RUFY1: variants seen among roughly 807,000 people sequenced by gnomAD.
RUFY1 encodes the protein RUN and FYVE domain containing 1, also known as RUN and FYVE domain-containing protein 1.
A neutral mutation model predicts 94.6 loss-of-function variants in RUFY1; 54 were observed. That is an observed-to-expected ratio of 0.57 (90% CI 0.46 to 0.72). The LOEUF is 0.72. RUFY1 is among the 30% of genes least tolerant of loss of function. The pLI, the probability that RUFY1 is intolerant of heterozygous loss-of-function variation, is 0.00. For synonymous variants in RUFY1, 396 were observed against 347.3 expected (o/e 1.14, Z -1.56); for missense variants, 883 against 883.9 (o/e 1.00, Z 0.01).
At position 179,593,536 on chromosome 5, in the gene RUFY1, T is replaced by A; in HGVS notation, c.1304T>A (p.Met435Lys). 1.2e-6 allele frequency: 2 copies of A among 1,613,862 alleles called. No homozygotes were observed. Among genetic ancestry groups the A allele is most frequent in the Non-Finnish European group, 1.7e-6 (2 of 1,179,766 alleles). ...ATGAAAACCGAAATGGAAATTGCAATGAAGTTACTGGAAAAGGACACCCAC... is the reference window on the plus strand; with the variant it reads ...ATGAAAACCGAAATGGAAATTGCAAAGAAGTTACTGGAAAAGGACACCCAC... ...IGMKTEMEIA[M>K]KLLEKDTHEK... is the part of the protein sequence containing the mutation. Residue 435 changes from methionine (M) to lysine (K), a missense_variant, in exon 11 of 18, where the codon ATG becomes AAG. Physicochemically the swap from Met to Lys is moderately conservative, Grantham distance 95. Transcript: ENST00000319449.
intron 15 of RUFY1, among the ~76,000 whole-genome samples, chr5:179,603,359 G>A (rs916111144): frequency 4.6e-5 from 7 of 151,714 alleles, no homozygotes; most frequent in Non-Finnish European, 8.8e-5. Flanking sequence ...GCCACTCGCC[G>A]TCTCTCCTGT....
intron 3 of RUFY1, among the ~76,000 whole-genome samples, chr5:179,563,924 G>C (rs547853922): frequency 3.3e-5 from 5 of 151,642 alleles, no homozygotes; most frequent in African/African-American, 4.8e-5. Context: ...CACCTGCCTC[G>C]GTCTTCCAAA....
At chr5:179,585,152 C>A (rs563983353) in intron 7 of RUFY1, among the ~76,000 whole-genome samples, 13 of 152,194 alleles carry the variant, frequency 8.5e-5, no homozygotes, top group African/African-American at 3.1e-4. Context: ...ACAAAAAACA[C>A]CTTGGATCCT....
At chr5:179,608,382 C>T (rs531688882) in intron 17 of RUFY1, 116 of 985,568 alleles carry the variant, frequency 1.2e-4, no homozygotes, top group East Asian at 3.4e-4. Context: ...CTAGAAACCA[C>T]GTCCTGAGGC....
chr5:179,604,247 C>T (rs1041168861), intron 15 of RUFY1, among the ~76,000 whole-genome samples: 1 of 152,158 alleles, frequency 6.6e-6, no homozygotes, highest in African/African-American at 2.4e-5. Flanking sequence ...GCTCTCTCCC[C>T]TCTTCCCTTC....
At chr5:179,604,355 G>A (rs755045303) in intron 15 of RUFY1, among the ~76,000 whole-genome samples, 2 of 152,168 alleles carry the variant, frequency 1.3e-5, no homozygotes, top group East Asian at 3.9e-4. Context: ...ATTGGCTTGG[G>A]AACATCTGGA....
rs1767541277 is a variant in RUFY1, at chr5:179,609,773, C to A, written c.*254C>A. Reference sequence around the variant, plus strand: ...CACGGCTCTGGTTCAGATACAACTTCATGATTTTGCTACTATCATTTTTCA... The same window carrying A: ...CACGGCTCTGGTTCAGATACAACTTAATGATTTTGCTACTATCATTTTTCA... On this transcript the variant is annotated 3_prime_UTR_variant, in exon 18 of 18. Transcript: ENST00000319449. The A allele has an allele frequency of 2.4e-6, 1 of 410,478 alleles. No homozygotes were observed. Among genetic ancestry groups the A allele is most frequent in the Admixed American group, 4.4e-5 (1 of 22,884 alleles). 25.4% of individuals were successfully genotyped at this position (410,478 alleles called of 1,614,324 possible).
chr5:179,592,325 G>A (rs1295012162), intron 10 of RUFY1, among the ~76,000 whole-genome samples: 1 of 152,094 alleles, frequency 6.6e-6, no homozygotes, highest in Non-Finnish European at 1.5e-5. Flanking sequence ...TCACCATGTT[G>A]GCCAAGATGT....
intron 17 of RUFY1, among the ~76,000 whole-genome samples, chr5:179,608,048 G>A (rs539639160): frequency 2.6e-4 from 40 of 152,270 alleles, no homozygotes; most frequent in African/African-American, 9.4e-4. Context: ...AGGGCAGCAG[G>A]TCACCAAAAA....
chr5:179,607,984 G>A (rs180911701), intron 17 of RUFY1, among the ~76,000 whole-genome samples: 12 of 152,276 alleles, frequency 7.9e-5, no homozygotes, highest in East Asian at 3.9e-4. Context: ...CTCTGTATGC[G>A]GCAGGAACAA....
intron 7 of RUFY1, among the ~76,000 whole-genome samples, chr5:179,583,229 G>C (rs1764299914): frequency 1.3e-5 from 2 of 151,596 alleles, no homozygotes; most frequent in Admixed American, 6.6e-5. Context: ...GAACCTGGGA[G>C]GCAGAGGTTG....
chr5:179,568,319 G>A (rs184175264), intron 4 of RUFY1, among the ~76,000 whole-genome samples: 57 of 152,222 alleles, frequency 3.7e-4, no homozygotes, highest in Middle Eastern at 3.4e-3. Flanking sequence ...ATATTTATAA[G>A]TAAGCAATAA....
intron 8 of RUFY1, among the ~76,000 whole-genome samples, chr5:179,588,754 A>G (rs1285542872): frequency 6.6e-6 from 1 of 152,160 alleles, no homozygotes; most frequent in Non-Finnish European, 1.5e-5. Flanking sequence ...TTTTTGAGAC[A>G]GGCTGTGGCT....
intron 12 of RUFY1, chr5:179,596,191 C>T (rs1765622061): frequency 3.2e-6 from 1 of 317,002 alleles, no homozygotes; most frequent in Non-Finnish European, 6.0e-6. Context: ...TCAGGACGTT[C>T]AGAGAGGAAA....
In RUFY1 at chr5:179,562,630, A is replaced by G. The variant is rs749476044; in HGVS notation, c.568A>G (p.Ile190Val). 1 of 1,599,506 alleles carries G rather than the reference A, an allele frequency of 6.3e-7. No individual in the cohort carries two copies. The highest frequency in any genetic ancestry group is 8.6e-7 in the Non-Finnish European group (1 of 1,166,738). ...GAAACTTTGTCCAGAAGCATCAGAT[A>G]TAGCGACTAGTGTCAGAAATCTTCC... is the stretch of plus-strand genomic sequence containing the variant. ...VEKLCPEASD[I>V]ATSVRNLPEL... Residue 190 changes from isoleucine to valine, a missense_variant, in exon 3 of 18, where the codon ATA becomes GTA. Coordinates refer to ENST00000319449, the MANE Select transcript of RUFY1 (RefSeq NM_025158.5).
At chr5:179,606,542 C>T (rs760508442) in intron 16 of RUFY1, 17 of 156,684 alleles carry the variant, frequency 1.1e-4, no homozygotes, top group Non-Finnish European at 1.1e-4. Context: ...CACCCCGCTT[C>T]GGCCTCAGCT....
In RUFY1 at chr5:179,562,662, AAAGT is replaced by A. The variant is rs1196340870; in HGVS notation, c.601_602+2del. 6.8e-7 allele frequency: 1 copy of A among 1,475,360 alleles called. No homozygotes were observed. Among genetic ancestry groups the A allele is most frequent in the African/African-American group, 1.4e-5 (1 of 72,182 alleles). 91.4% of individuals were successfully genotyped at this position (1,475,360 alleles called of 1,614,324 possible). A position where few individuals can be genotyped will look rare whatever the true frequency, so the allele number is the denominator to read the frequency against. On this transcript the variant is annotated splice_donor_variant and coding_sequence_variant, in exon 3 of 18. Coordinates refer to ENST00000319449, the MANE Select transcript of RUFY1 (RefSeq NM_025158.5). LOFTEE classifies it high-confidence loss of function. Reference sequence around the variant, plus strand: ...CTAGTGTCAGAAATCTTCCAGAATTAAAGTGAGTGAGAAGTAGTTCTGCCAATTT... The same window carrying A: ...CTAGTGTCAGAAATCTTCCAGAATTAGAGTGAGAAGTAGTTCTGCCAATTT...
At chr5:179,594,993 G>T (rs200324683) in intron 12 of RUFY1, 30 bp downstream of exon 12, 37 of 1,471,278 alleles carry the variant, frequency 2.5e-5, no homozygotes, top group Admixed American at 6.7e-5. Context: ...AGATATTCTC[G>T]GGAAGGCTCT....
Position 179,585,786 on chromosome 5 carries a change from T to C in RUFY1, c.957-10T>C, listed in dbSNP as rs1248948314. ...AGTTTATGTTTACTTAATATTCTTA[T>C]TTTCTACAGCTGCACAGTTGGGGAT... On this transcript the variant is annotated splice_polypyrimidine_tract_variant and intron_variant, in intron 7 of 17. Transcript: ENST00000319449. 1 of 1,602,300 alleles carries C rather than the reference T, an allele frequency of 6.2e-7. No individual in the cohort carries two copies. The highest frequency in any genetic ancestry group is 8.6e-7 in the Non-Finnish European group (1 of 1,169,566).
Sources: allele counts gnomAD v4.1 joint callset (sites outside exome capture counted in the v4.1 genomes callset), GRCh38; gene constraint gnomAD v4.1.1; transcripts MANE v1.5; gene names NCBI Gene and HGNC (gene_info 2026-07-23, HGNC 2026-07-21).